Variants in GALNT18 observed in about 807,000 individuals in gnomAD.
GALNT18 encodes GalNAc-transferase 18.
In GALNT18, 44 loss-of-function variants were observed where a neutral mutation model predicts 69.5. The observed-to-expected ratio is 0.63, with a 90% confidence interval of 0.50 to 0.81. GALNT18 has a LOEUF of 0.81. Ranked by LOEUF, GALNT18 falls within the 40% of genes least tolerant of loss-of-function variation. The pLI is 0.00. For missense variants in GALNT18, 715 were observed against 810.0 expected, an observed-to-expected ratio of 0.88 and a Z score of 1.42; for synonymous variants, 364 against 318.2, an observed-to-expected ratio of 1.14 and a Z score of -1.53.
At chr11:11,300,782 G>A (rs1009613159) in intron 9 of GALNT18, among the ~76,000 whole-genome samples, 5 of 152,220 alleles carry the variant, frequency 3.3e-5, no homozygotes, top group African/African-American at 9.6e-5. Context: ...CTTGGCTGCA[G>A]AGCAGAATCA....
intron 1 of GALNT18, among the ~76,000 whole-genome samples, chr11:11,516,044 T>C (rs1857268076): frequency 6.6e-6 from 1 of 152,028 alleles, no homozygotes; most frequent in South Asian, 2.1e-4. Flanking sequence ...TCTAGGAGTA[T>C]ATGGGGCTGG....
At chr11:11,560,060 TG>T (rs1422185689) in intron 1 of GALNT18, among the ~76,000 whole-genome samples, 2 of 125,100 alleles carry the variant, frequency 1.6e-5, no homozygotes, top group East Asian at 4.8e-4. Flanking sequence ...TGGGATAGGA[TG>T]GGATGGAATA....
chr11:11,594,816 CATATAT>C (rs1206038267), intron 1 of GALNT18, among the ~76,000 whole-genome samples: 15 of 121,516 alleles, frequency 1.2e-4, no homozygotes, highest in South Asian at 3.1e-4. Flanking sequence ...TTATCTTGGG[CATATAT>C]ATATATATAT....
At chr11:11,594,253 C>T (rs1390963363) in intron 1 of GALNT18, among the ~76,000 whole-genome samples, 1 of 152,216 alleles carries the variant, frequency 6.6e-6, no homozygotes, top group Non-Finnish European at 1.5e-5. Context: ...GTTGGAAAAG[C>T]TCTAGCCTGA....
intron 1 of GALNT18, among the ~76,000 whole-genome samples, chr11:11,495,695 T>C (rs1286394013): frequency 2.0e-5 from 3 of 152,116 alleles, no homozygotes; most frequent in South Asian, 2.1e-4. Context: ...AAAAATTACA[T>C]AGAAAACTTG....
At chr11:11,548,280 T>C (rs1159416689) in intron 1 of GALNT18, among the ~76,000 whole-genome samples, 2 of 152,210 alleles carry the variant, frequency 1.3e-5, no homozygotes, top group African/African-American at 2.4e-5. Flanking sequence ...ATCAATCTTG[T>C]CCTTGCCTTC....
chr11:11,438,558 G>A (rs1342147999), intron 2 of GALNT18, among the ~76,000 whole-genome samples: 1 of 152,162 alleles, frequency 6.6e-6, no homozygotes, highest in Admixed American at 6.5e-5. Context: ...AACAGTTGAG[G>A]GAAATAGAGT....
chr11:11,349,294 G>A (rs1196815840), intron 6 of GALNT18, among the ~76,000 whole-genome samples: 1 of 152,070 alleles, frequency 6.6e-6, no homozygotes, highest in Non-Finnish European at 1.5e-5. Context: ...GAGTGGGCAG[G>A]CCTCCATGTA....
chr11:11,567,646 C>G (rs371348998), intron 1 of GALNT18, among the ~76,000 whole-genome samples: 43 of 152,280 alleles, frequency 2.8e-4, no homozygotes, highest in African/African-American at 1.0e-3. Flanking sequence ...CCATCACTGC[C>G]TCTGCAAGCC....
At position 11,472,135 on chromosome 11, in the gene GALNT18, G is replaced by A. The variant is rs79559503; in HGVS notation, c.236-23199C>T. Among the ~76,000 whole-genome samples the A allele has an allele frequency of 8.7e-3, 1,321 of 152,356 alleles. 19 individuals are homozygous for A. The highest frequency in any genetic ancestry group is 0.03 in the African/African-American group (1,235 of 41,584). ...GATCTATCTCACACTAGGCACAGCT[G>A]ATAGCAACCAATTCCCATGACAGGA... On this transcript the variant is annotated intron_variant, in intron 1 of 10. Coordinates refer to ENST00000227756, the MANE Select transcript of GALNT18 (RefSeq NM_198516.3).
chr11:11,356,592 C>G lies in GALNT18; in HGVS notation c.1093-15588G>C, dbSNP rs551716581. On this transcript the variant is annotated intron_variant, in intron 6 of 10. Coordinates refer to ENST00000227756, the MANE Select transcript of GALNT18 (RefSeq NM_198516.3). The surrounding 1 kb of genome is among the most constrained non-coding windows in gnomAD (Gnocchi z 4.4). The stretch of plus-strand genomic sequence containing the variant: ...AGTTCACCAATTGTCCCAATCAAAG[C>G]CTTTATAGCTATTTTTCCCCTTCAT... 2.0e-5 allele frequency among the ~76,000 whole-genome samples: 3 copies of G among 152,246 alleles called. No individual in the cohort carries two copies. Among genetic ancestry groups the G allele is most frequent in the Middle Eastern group, 3.4e-3 (1 of 294 alleles).
intron 2 of GALNT18, among the ~76,000 whole-genome samples, chr11:11,433,974 A>G (rs1272018308): frequency 1.3e-5 from 2 of 152,110 alleles, no homozygotes; most frequent in East Asian, 3.9e-4. Flanking sequence ...ACATGCAATA[A>G]TGAGCATAAT....
intron 2 of GALNT18, among the ~76,000 whole-genome samples, chr11:11,443,965 A>G (rs1190402105): frequency 6.6e-6 from 1 of 152,322 alleles, no homozygotes; most frequent in East Asian, 1.9e-4. Flanking sequence ...CACACTTCCT[A>G]TGCCTATTAC....
rs1590040598 is a variant in GALNT18, at chr11:11,480,870, T to C, written c.236-31934A>G. Among the ~76,000 whole-genome samples, 1 of 152,238 alleles carries C rather than the reference T, an allele frequency of 6.6e-6. No individual in the cohort carries two copies. The highest frequency in any genetic ancestry group is 1.5e-5 in the Non-Finnish European group (1 of 68,040). On this transcript the variant is annotated intron_variant, in intron 1 of 10. Coordinates refer to ENST00000227756, the MANE Select transcript of GALNT18 (RefSeq NM_198516.3). The surrounding 1 kb of genome is among the most constrained non-coding windows in gnomAD (Gnocchi z 4.6). ...ATCCTGGTTAGGGGAAAATGATTCC[T>C]GACTCAGGACTTCTCAGGCCTTTCT...
rs1436326720 is a variant in GALNT18, at chr11:11,583,507, G to A, written c.235+37852C>T. 2.0e-5 allele frequency among the ~76,000 whole-genome samples: 3 copies of A among 152,170 alleles called. No individual in the cohort carries two copies. The highest frequency in any genetic ancestry group is 1.9e-4 in the East Asian group (1 of 5,194). On this transcript the variant is annotated intron_variant, in intron 1 of 10. Coordinates refer to ENST00000227756, the MANE Select transcript of GALNT18 (RefSeq NM_198516.3). The surrounding 1 kb of genome is among the most constrained non-coding windows in gnomAD (Gnocchi z 4.7). ...CTAGCTCTGTTTCTGGCTGGAAAGT[G>A]CACGAAAGCTGAGTTTAATCAATAA...
At position 11,559,119 on chromosome 11, in the gene GALNT18, T is replaced by C. The variant is rs990765572; in HGVS notation, c.235+62240A>G. ...AGTAGATTAGTTAATATACGTGAAA[T>C]TCTAGGAATGTGGCCCAGCACCTAT... On this transcript the variant is annotated intron_variant, in intron 1 of 10. Coordinates refer to ENST00000227756, the MANE Select transcript of GALNT18 (RefSeq NM_198516.3). Among the ~76,000 whole-genome samples the C allele has an allele frequency of 3.9e-5, 6 of 152,206 alleles. 1 individual carries two copies. The highest frequency in any genetic ancestry group is 2.6e-4 in the Admixed American group (4 of 15,274).
chr11:11,534,959 G>T (rs967373584), intron 1 of GALNT18, among the ~76,000 whole-genome samples: 6 of 152,374 alleles, frequency 3.9e-5, no homozygotes, highest in African/African-American at 1.4e-4. Context: ...ACGCCATGGG[G>T]CAGGGAGCCA....
rs981773711 is a variant in GALNT18 at position 11,404,193 on chromosome 11, C to T, written c.596-24929G>A. On this transcript the variant is annotated intron_variant, in intron 3 of 10. Transcript: ENST00000227756. This position sits in a 1 kb window ranked among gnomAD's most constrained non-coding sequence, Gnocchi z 4.5. The stretch of plus-strand genomic sequence containing the variant: ...GAGTGAGTGTCTAGGGGAGTTCATG[C>T]GTGCACGGCATGGAGCCAATTATCG... 8.5e-5 allele frequency among the ~76,000 whole-genome samples: 13 copies of T among 152,186 alleles called. No homozygotes were observed. The highest frequency in any genetic ancestry group is 1.9e-4 in the African/African-American group (8 of 41,456).
rs1267172627 is a variant in GALNT18 at position 11,540,458 on chromosome 11, A to T, written c.235+80901T>A. On this transcript the variant is annotated intron_variant, in intron 1 of 10. Coordinates refer to ENST00000227756, the MANE Select transcript of GALNT18 (RefSeq NM_198516.3). This position sits in a 1 kb window ranked among gnomAD's most constrained non-coding sequence, Gnocchi z 4.6. ...GCAGAGCTGCAGGTGATACCTTGCC[A>T]ATAGGAGACACGGCTGTTCCTCATT... Among the ~76,000 whole-genome samples, 1 of 152,122 alleles carries T rather than the reference A, an allele frequency of 6.6e-6. No individual in the cohort carries two copies.
Sources: allele counts gnomAD v4.1 joint callset (sites outside exome capture counted in the v4.1 genomes callset), GRCh38; gene constraint gnomAD v4.1.1; non-coding constraint Gnocchi (gnomAD v3.1); transcripts MANE v1.5; gene names NCBI Gene and HGNC (gene_info 2026-07-23, HGNC 2026-07-21).